Variants in MIPOL1 observed in about 807,000 individuals in gnomAD.
The protein encoded by MIPOL1 is mirror-image polydactyly 1, also known as mirror-image polydactyly gene 1 protein.
A neutral mutation model predicts 60.9 loss-of-function variants in MIPOL1; 57 were observed. The observed-to-expected ratio is 0.94, with a 90% CI of 0.76 to 1.17. The LOEUF is 1.17. Ranked by LOEUF, MIPOL1 falls within the 50% of genes most tolerant of loss-of-function variation. The pLI, the probability that MIPOL1 is intolerant of heterozygous loss-of-function variation, is 0.00. For synonymous variants in MIPOL1, 179 were observed against 168.8 expected (o/e 1.06, Z -0.47); for missense variants, 551 against 511.6 (o/e 1.08, Z -0.74).
At chr14:37,234,942 A>ATTTTTTTTT (rs5807941) in intron 1 of MIPOL1, among the ~76,000 whole-genome samples, 241 of 116,742 alleles carry the variant, frequency 2.1e-3, no homozygotes, top group African/African-American at 5.2e-3. Context: ...CGTACGGCTA[A>ATTTTTTTTT]TTTTTTTTTT....
intron 11 of MIPOL1, among the ~76,000 whole-genome samples, chr14:37,448,799 G>A (rs975534200): frequency 4.6e-5 from 7 of 152,106 alleles, no homozygotes; most frequent in African/African-American, 1.7e-4. Flanking sequence ...AAACAAAACA[G>A]AATCTCAAAT....
At chr14:37,260,914 T>C (rs775912659) in intron 3 of MIPOL1, among the ~76,000 whole-genome samples, 122 of 152,220 alleles carry the variant, frequency 8.0e-4, no homozygotes, top group Middle Eastern at 3.4e-3. Flanking sequence ...TAATAACAGA[T>C]TGTAATTAAT....
At chr14:37,239,538 A>G (rs1594673343) in intron 1 of MIPOL1, among the ~76,000 whole-genome samples, 1 of 152,336 alleles carries the variant, frequency 6.6e-6, no homozygotes, top group South Asian at 2.1e-4. Flanking sequence ...AAAAAAGAGT[A>G]CAACACTTAC....
At chr14:37,275,377 A>T (rs8016268) in intron 6 of MIPOL1, among the ~76,000 whole-genome samples, 1 of 151,052 alleles carries the variant, frequency 6.6e-6, no homozygotes, top group Admixed American at 6.6e-5. Context: ...TTGAGTATGT[A>T]TCTCTTCTCA....
chr14:37,458,769 T>G (rs1036806625), intron 11 of MIPOL1, among the ~76,000 whole-genome samples: 3 of 152,010 alleles, frequency 2.0e-5, no homozygotes, highest in African/African-American at 4.8e-5. Context: ...GAGAATCACT[T>G]GAACCCTGGG....
intron 9 of MIPOL1, among the ~76,000 whole-genome samples, chr14:37,341,670 C>T (rs1282102335): frequency 5.3e-5 from 8 of 152,246 alleles, no homozygotes. Flanking sequence ...GTTTTGGATA[C>T]CTGGCCTCAC....
At chr14:37,394,068 ATATATATATATATATATC>A (rs947396573) in intron 10 of MIPOL1, among the ~76,000 whole-genome samples, 3 of 132,508 alleles carry the variant, frequency 2.3e-5, no homozygotes, top group African/African-American at 8.4e-5. Flanking sequence ...ATATATATAT[ATATATATATATATATATC>A]TCCATGTTCT....
At chr14:37,251,354 A>G (rs1259215623) in intron 3 of MIPOL1, among the ~76,000 whole-genome samples, 1 of 152,028 alleles carries the variant, frequency 6.6e-6, no homozygotes, top group Non-Finnish European at 1.5e-5. Flanking sequence ...AGGCGAAAAC[A>G]ACTGTATCTA....
At chr14:37,480,985 T>TA (rs1280490754) in intron 11 of MIPOL1, among the ~76,000 whole-genome samples, 3 of 151,818 alleles carry the variant, frequency 2.0e-5, no homozygotes, top group Non-Finnish European at 4.4e-5. Flanking sequence ...TTTAAAAATT[T>TA]AAAAAAATAG....
At chr14:37,480,125 CCTT>C (rs1224391810) in intron 11 of MIPOL1, among the ~76,000 whole-genome samples, 1 of 152,072 alleles carries the variant, frequency 6.6e-6, no homozygotes, top group Non-Finnish European at 1.5e-5. Flanking sequence ...AAGAACTAAT[CCTT>C]CTCTAATCCT....
At chr14:37,213,778 A>T (rs1967102932) in intron 1 of MIPOL1, among the ~76,000 whole-genome samples, 1 of 152,192 alleles carries the variant, frequency 6.6e-6, no homozygotes, top group African/African-American at 2.4e-5. Flanking sequence ...GCATTTGATA[A>T]TGAAACTCCC....
rs145736096 is a variant in MIPOL1, at chr14:37,455,263, G to A, written c.1031+32314G>A. On this transcript the variant is annotated intron_variant, in intron 11 of 12. Coordinates refer to ENST00000684589, the MANE Select transcript of MIPOL1 (RefSeq NM_001388067.1). ...GTTGAATATGTTTTCTCTTTTAATC[G>A]TTAATACTAATATCCTATTCAGATC... 5.1e-3 allele frequency among the ~76,000 whole-genome samples: 780 copies of A among 152,062 alleles called. 5 individuals carry two copies. The highest frequency in any genetic ancestry group is 0.017 in the African/African-American group (720 of 41,486).
chr14:37,471,920 C>T (rs917516959), intron 11 of MIPOL1, among the ~76,000 whole-genome samples: 5 of 152,186 alleles, frequency 3.3e-5, no homozygotes, highest in Admixed American at 1.3e-4. Context: ...CTAGCCCTAG[C>T]AAAGCGCCCA....
chr14:37,355,104 G>T, intron 9 of MIPOL1, among the ~76,000 whole-genome samples: 1 of 148,612 alleles, frequency 6.7e-6, no homozygotes, highest in Non-Finnish European at 1.5e-5. Context: ...CAGGCCTGGT[G>T]GTGACAAAAT....
intron 11 of MIPOL1, among the ~76,000 whole-genome samples, chr14:37,479,645 C>A (rs1328163696): frequency 2.0e-5 from 3 of 152,000 alleles, no homozygotes; most frequent in Admixed American, 6.6e-5. Flanking sequence ...AAAAGAATAA[C>A]AAACTAAGCC....
intron 9 of MIPOL1, among the ~76,000 whole-genome samples, chr14:37,344,773 T>G (rs2153465034): frequency 6.6e-6 from 1 of 152,294 alleles, no homozygotes; most frequent in East Asian, 1.9e-4. Flanking sequence ...CTCACACCTG[T>G]AATCCCAGCA....
chr14:37,533,896 C>T lies in MIPOL1; in HGVS notation c.1263-13009C>T, dbSNP rs1415331146. 7.2e-5 allele frequency among the ~76,000 whole-genome samples: 11 copies of T among 151,962 alleles called. No homozygotes were observed. In the East Asian group the frequency reaches 2.1e-3, roughly 29 times the overall value. ...AATCAAAAGAAGAGCTGAGACCAGCCTGACCAACATGATGAAACTCCATCT... is the reference window on the plus strand; with the variant it reads ...AATCAAAAGAAGAGCTGAGACCAGCTTGACCAACATGATGAAACTCCATCT... On this transcript the variant is annotated intron_variant, in intron 12 of 12. Transcript: ENST00000684589.
intron 11 of MIPOL1, among the ~76,000 whole-genome samples, chr14:37,482,338 T>A (rs752527794): frequency 1.3e-5 from 2 of 152,150 alleles, no homozygotes; most frequent in Non-Finnish European, 2.9e-5. Flanking sequence ...TAATTGCTAA[T>A]TATAGGGAAA....
intron 10 of MIPOL1, among the ~76,000 whole-genome samples, chr14:37,377,121 A>C (rs1387104565): frequency 6.6e-6 from 1 of 152,176 alleles, no homozygotes; most frequent in African/African-American, 2.4e-5. Flanking sequence ...CCCGGGAAGG[A>C]GTCAGGACCT....
Sources: gnomAD v4.1 joint callset for allele counts (sites outside exome capture counted in the v4.1 genomes callset) on GRCh38, gnomAD v4.1.1 for gene constraint, MANE v1.5 for transcripts, NCBI Gene and HGNC (gene_info 2026-07-23, HGNC 2026-07-21) for gene names.